The following LYRM4 variants were observed in gnomAD, a reference collection of about 807,000 sequenced individuals.
LYRM4 encodes LYR motif-containing protein 4.
In LYRM4, 9 loss-of-function variants were observed where a neutral mutation model predicts 11.7. That is an observed-to-expected ratio of 0.77 (90% confidence interval 0.46 to 1.34). The LOEUF (loss-of-function observed/expected upper bound fraction) is 1.34, where lower values mean the gene tolerates loss of function less well. Ranked by LOEUF, LYRM4 falls within the 40% of genes most tolerant of loss-of-function variation. The probability of loss-of-function intolerance (pLI) is 0.00; values close to 1 mark genes in which losing one functional copy is unlikely to be tolerated. For synonymous variants in LYRM4, 42 were observed against 40.4 expected, an observed-to-expected ratio of 1.04 and a Z score of -0.15; for missense variants, 133 against 112.5, an observed-to-expected ratio of 1.18 and a Z score of -0.82.
At chr6:5,179,336 C>T (rs191220992) in intron 2 of LYRM4, among the ~76,000 whole-genome samples, 3 of 152,100 alleles carry the variant, frequency 2.0e-5, no homozygotes, top group Admixed American at 2.0e-4. Context: ...CTACTATCAC[C>T]CCCATCCAGC....
At chr6:5,222,192 G>C (rs915111003) in intron 1 of LYRM4, among the ~76,000 whole-genome samples, 2 of 152,176 alleles carry the variant, frequency 1.3e-5, no homozygotes, top group Non-Finnish European at 2.9e-5. Context: ...GTCTGGTACA[G>C]AGAAGATATT....
At chr6:5,078,846 TAGCTTA>T in the LYRM4 span, among the ~76,000 whole-genome samples, 1 of 152,234 alleles carries the variant, frequency 6.6e-6, no homozygotes, top group Non-Finnish European at 1.5e-5. Context: ...ACTGTGGCTT[TAGCTTA>T]AGCAAGCTAA....
chr6:5,070,869 G>GAAAA, the LYRM4 span, among the ~76,000 whole-genome samples: 4 of 48,088 alleles, frequency 8.3e-5, no homozygotes, highest in Admixed American at 2.6e-4. Flanking sequence ...ACCCTGTCTT[G>GAAAA]AAAAAAAAAA....
At chr6:5,066,502 C>T in the LYRM4 span, 28 of 784,140 alleles carry the variant, frequency 3.6e-5, no homozygotes, top group African/African-American at 3.6e-4. Context: ...GGTTTTATTA[C>T]TCCACCACTT....
At chr6:5,222,764 G>GAAAAA in intron 1 of LYRM4, among the ~76,000 whole-genome samples, 1 of 139,964 alleles carries the variant, frequency 7.1e-6, no homozygotes, top group Non-Finnish European at 1.5e-5. Flanking sequence ...AGCAAAACAA[G>GAAAAA]AAAAAAAAAA....
Position 5,123,171 on chromosome 6 carries a change from C to T in LYRM4, c.208-13680G>A, listed in dbSNP as rs973535825. On this transcript the variant is annotated intron_variant, in intron 2 of 2. Coordinates refer to ENST00000330636, the MANE Select transcript of LYRM4 (RefSeq NM_020408.6). ...CTTGAGCCACAGGGCCTGACAGGGC[C>T]TCAGCTGGGGCAGTGGGCCCGGTGC... Among the ~76,000 whole-genome samples the T allele has an allele frequency of 2.6e-5, 4 of 152,324 alleles. 1 individual carries two copies.
intron 2 of LYRM4, among the ~76,000 whole-genome samples, chr6:5,160,400 C>T (rs1389126404): frequency 6.6e-6 from 1 of 152,080 alleles, no homozygotes; most frequent in Non-Finnish European, 1.5e-5. Flanking sequence ...ATCTTGAATT[C>T]CCACGTGTGG....
At chr6:5,063,751 C>T in the LYRM4 span, among the ~76,000 whole-genome samples, 1 of 152,234 alleles carries the variant, frequency 6.6e-6, no homozygotes, top group African/African-American at 2.4e-5. Context: ...GGAGCAGACT[C>T]AGCCTTCATC....
intron 1 of LYRM4, among the ~76,000 whole-genome samples, chr6:5,222,795 G>C (rs1369530759): frequency 7.0e-6 from 1 of 143,486 alleles, no homozygotes; most frequent in East Asian, 2.0e-4. Flanking sequence ...TAGAATGCTA[G>C]AGAATATGTA....
At chr6:5,166,653 C>A (rs970763561) in intron 2 of LYRM4, among the ~76,000 whole-genome samples, 1 of 152,172 alleles carries the variant, frequency 6.6e-6, no homozygotes, top group Non-Finnish European at 1.5e-5. Context: ...GAGACTTAAG[C>A]ACAGATGAAA....
At chr6:5,098,699 C>T (rs907451988), downstream of LYRM4, among the ~76,000 whole-genome samples, 2 of 152,166 alleles carry the variant, frequency 1.3e-5, no homozygotes, top group Admixed American at 6.5e-5. Context: ...GGGAGGTACA[C>T]GTCCACGCGC....
chr6:5,067,508 C>T, the LYRM4 span, among the ~76,000 whole-genome samples: 3 of 152,190 alleles, frequency 2.0e-5, no homozygotes, highest in Non-Finnish European at 4.4e-5. Context: ...AACATGGCGG[C>T]CAGCTTCCTC....
intron 2 of LYRM4, among the ~76,000 whole-genome samples, chr6:5,195,591 G>A (rs201670544): frequency 6.6e-5 from 10 of 152,260 alleles, no homozygotes; most frequent in African/African-American, 2.4e-4. Context: ...CTGAGATAGC[G>A]CCACTGCACT....
chr6:5,099,383 ATCTATTTC>A (rs1451577993), downstream of LYRM4, among the ~76,000 whole-genome samples: 2 of 106,204 alleles, frequency 1.9e-5, no homozygotes, highest in African/African-American at 7.5e-5. This position sits in a 1 kb window ranked among gnomAD's most constrained non-coding sequence, Gnocchi z 4.3. Context: ...TAAAAAAAAA[ATCTATTTC>A]TCTATCTATC....
the LYRM4 span, among the ~76,000 whole-genome samples, chr6:5,091,082 G>A: frequency 2.6e-5 from 4 of 152,190 alleles, no homozygotes; most frequent in African/African-American, 9.7e-5. Flanking sequence ...AGAATATGCT[G>A]TGACTTGTGG....
At chr6:5,187,495 T>G (rs867253301) in intron 2 of LYRM4, among the ~76,000 whole-genome samples, 4 of 151,910 alleles carry the variant, frequency 2.6e-5, no homozygotes, top group Admixed American at 1.3e-4. Flanking sequence ...CAGCAAACTA[T>G]CACAATGACA....
chr6:5,041,864 CA>C, the LYRM4 span, among the ~76,000 whole-genome samples: 2 of 152,176 alleles, frequency 1.3e-5, no homozygotes, highest in African/African-American at 4.8e-5. Context: ...TTTCTATAAA[CA>C]AAGGACTATA....
chr6:5,225,334 A>ATTCCTGTC (rs1762823485), intron 1 of LYRM4, among the ~76,000 whole-genome samples: 1 of 151,944 alleles, frequency 6.6e-6, no homozygotes, highest in Non-Finnish European at 1.5e-5. Flanking sequence ...TCGCCCTCTC[A>ATTCCTGTC]TTCCTGTCCC....
the LYRM4 span, chr6:5,033,448 C>G: frequency 2.0e-5 from 3 of 152,370 alleles, no homozygotes; most frequent in African/African-American, 4.8e-5. Flanking sequence ...GGACCCCGGG[C>G]GCTGTCCTCA....
Sources: allele counts gnomAD v4.1 joint callset (sites outside exome capture counted in the v4.1 genomes callset), GRCh38; gene constraint gnomAD v4.1.1; non-coding constraint Gnocchi (gnomAD v3.1); transcripts MANE v1.5; gene names NCBI Gene and HGNC (gene_info 2026-07-23, HGNC 2026-07-21).